NLGN1: variants seen among roughly 807,000 people sequenced by gnomAD.
NLGN1 encodes neuroligin 1.
In NLGN1, 12 loss-of-function variants were observed where a neutral mutation model predicts 65.5. That is an observed-to-expected ratio of 0.18 (90% CI 0.12 to 0.30). NLGN1 has a LOEUF of 0.30. NLGN1 is among the 10% of genes least tolerant of loss of function. The pLI, the probability that NLGN1 is intolerant of heterozygous loss-of-function variation, is 1.00. For missense variants in NLGN1, 750 were observed against 1,007.1 expected (o/e 0.74, Z 3.46); for synonymous variants, 350 against 359.5 (o/e 0.97, Z 0.30).
At chr3:173,536,511 G>A (rs1164003991) in intron 2 of NLGN1, among the ~76,000 whole-genome samples, 3 of 152,138 alleles carry the variant, frequency 2.0e-5, no homozygotes, top group Non-Finnish European at 1.5e-5. Flanking sequence ...ATCTAAATTG[G>A]AGTATCTTCA....
intron 4 of NLGN1, among the ~76,000 whole-genome samples, chr3:174,217,314 C>A (rs1737804145): frequency 6.6e-6 from 1 of 152,146 alleles, no homozygotes; most frequent in African/African-American, 2.4e-5. Flanking sequence ...ATTGCATCTG[C>A]AAAGACCCTA....
chr3:174,275,332 G>T, exon 5 of NLGN1: 1 of 1,612,090 alleles, frequency 6.2e-7, no homozygotes, highest in Non-Finnish European at 8.5e-7. Flanking sequence ...GAGTACAGGC[G>T]ATCAGGCTGC....
At chr3:173,722,419 T>C (rs1393939668) in intron 3 of NLGN1, among the ~76,000 whole-genome samples, 1 of 151,960 alleles carries the variant, frequency 6.6e-6, no homozygotes, top group African/African-American at 2.4e-5. Context: ...ATTTTTGTAT[T>C]TTTGGTAGAG....
At chr3:173,555,325 T>TA (rs1358458313) in intron 2 of NLGN1, among the ~76,000 whole-genome samples, 4 of 152,230 alleles carry the variant, frequency 2.6e-5, no homozygotes, top group Non-Finnish European at 5.9e-5. Flanking sequence ...TCCTTGGACT[T>TA]ACTGAATAAA....
rs1409658314 is a variant in NLGN1, at chr3:173,488,165, C to A, written c.-321+53087C>A. On this transcript the variant is annotated intron_variant, in intron 2 of 6. Transcript: ENST00000457714. ...GCCAAAATAATGCTTAACATTAAAC[C>A]ATAATTATATCTTCTTTTCTAAAGT... 2.0e-5 allele frequency among the ~76,000 whole-genome samples: 3 copies of A among 151,810 alleles called. No individual in the cohort carries two copies. The East Asian group carries it at 5.8e-4, about 29-fold the overall frequency.
chr3:174,274,124 A>T (rs976254787), intron 4 of NLGN1, among the ~76,000 whole-genome samples: 1 of 151,782 alleles, frequency 6.6e-6, no homozygotes, highest in Non-Finnish European at 1.5e-5. Context: ...TTGAAATTGG[A>T]AATTATATCC....
At chr3:173,774,796 G>T (rs1057167466) in intron 3 of NLGN1, among the ~76,000 whole-genome samples, 5 of 151,908 alleles carry the variant, frequency 3.3e-5, no homozygotes, top group African/African-American at 1.2e-4. Context: ...GGGAGTGAGA[G>T]GATTTGCACC....
chr3:173,989,573 CT>C (rs1179752373), intron 4 of NLGN1, among the ~76,000 whole-genome samples: 1 of 152,188 alleles, frequency 6.6e-6, no homozygotes, highest in Non-Finnish European at 1.5e-5. Context: ...GTTAATATGA[CT>C]TTGTAAATCT....
intron 2 of NLGN1, among the ~76,000 whole-genome samples, chr3:173,564,230 A>AT (rs1743266750): frequency 6.6e-6 from 1 of 152,280 alleles, no homozygotes; most frequent in Non-Finnish European, 1.5e-5. Context: ...TTGTAGGCAC[A>AT]GGTTTCCGTT....
intron 3 of NLGN1, among the ~76,000 whole-genome samples, chr3:173,681,805 G>A (rs1288800032): frequency 6.6e-6 from 1 of 152,166 alleles, no homozygotes; most frequent in African/African-American, 2.4e-5. Context: ...TGAATGTGTA[G>A]TCATATGATG....
chr3:173,725,287 G>A lies in NLGN1; in HGVS notation c.494-82393G>A, dbSNP rs566807836. On this transcript the variant is annotated intron_variant, in intron 3 of 6. Transcript: ENST00000457714. ...TAATGTAACTTTATTTTATAGGTAT[G>A]ATACATTCTGTTTTTCTTGTCTCAT... 2.6e-5 allele frequency among the ~76,000 whole-genome samples: 4 copies of A among 152,288 alleles called. No individual in the cohort carries two copies. The South Asian group carries it at 8.3e-4, about 32-fold the overall frequency.
chr3:173,703,197 C>A (rs1767519272), intron 3 of NLGN1, among the ~76,000 whole-genome samples: 1 of 151,922 alleles, frequency 6.6e-6, no homozygotes, highest in Non-Finnish European at 1.5e-5. Context: ...TGCATGCTAG[C>A]AGGAAAGTAC....
intron 4 of NLGN1, among the ~76,000 whole-genome samples, chr3:174,187,821 C>A (rs909087421): frequency 1.3e-5 from 2 of 151,872 alleles, no homozygotes; most frequent in Admixed American, 1.3e-4. Context: ...CCACCTTTAA[C>A]CTACAGCATG....
At chr3:173,780,136 A>G (rs1046336979) in intron 3 of NLGN1, among the ~76,000 whole-genome samples, 1 of 152,216 alleles carries the variant, frequency 6.6e-6, no homozygotes, top group Non-Finnish European at 1.5e-5. Context: ...TTAAACTTAC[A>G]GTTGACACTT....
chr3:173,840,473 C>T (rs1724572384), intron 4 of NLGN1, among the ~76,000 whole-genome samples: 1 of 152,222 alleles, frequency 6.6e-6, no homozygotes, highest in Middle Eastern at 3.4e-3. Flanking sequence ...TTTCTATGCT[C>T]ACAGTGTGAA....
At chr3:173,972,755 G>T (rs1317792023) in intron 4 of NLGN1, among the ~76,000 whole-genome samples, 1 of 151,990 alleles carries the variant, frequency 6.6e-6, no homozygotes, top group Non-Finnish European at 1.5e-5. Flanking sequence ...ATTGAGAGAG[G>T]TTTGGAATGA....
At chr3:173,931,262 G>A (rs1744034742) in intron 4 of NLGN1, among the ~76,000 whole-genome samples, 1 of 152,032 alleles carries the variant, frequency 6.6e-6, no homozygotes, top group Non-Finnish European at 1.5e-5. Context: ...CCTATTCAGG[G>A]GAAGTCAATA....
intron 4 of NLGN1, among the ~76,000 whole-genome samples, chr3:174,084,138 G>A (rs1382545261): frequency 6.6e-6 from 1 of 152,110 alleles, no homozygotes; most frequent in East Asian, 1.9e-4. Flanking sequence ...TTTTGTGTGG[G>A]ATGGGCTATG....
intron 3 of NLGN1, among the ~76,000 whole-genome samples, chr3:173,737,504 A>G (rs1474741150): frequency 2.0e-5 from 3 of 152,068 alleles, no homozygotes; most frequent in Non-Finnish European, 4.4e-5. Flanking sequence ...TCTTGTAAAC[A>G]GAATCATATG....
Sources: allele counts gnomAD v4.1 joint callset (sites outside exome capture counted in the v4.1 genomes callset), GRCh38; gene constraint gnomAD v4.1.1; transcripts MANE v1.5; gene names NCBI Gene and HGNC (gene_info 2026-07-23, HGNC 2026-07-21).